The following PID1 variants were observed in gnomAD, a reference collection of about 807,000 sequenced individuals.
PID1 encodes PTB-containing, cubilin and LRP1-interacting protein.
A neutral mutation model predicts 19.1 loss-of-function variants in PID1; 10 were observed. The observed-to-expected ratio is 0.52, with a 90% CI of 0.32 to 0.89. PID1 has a LOEUF of 0.89. PID1 is among the 40% of genes least tolerant of loss of function. PID1 has a pLI of 0.03. For synonymous variants in PID1, 130 were observed against 116.0 expected (o/e 1.12, Z -0.78); for missense variants, 248 against 285.3 (o/e 0.87, Z 0.94).
chr2:229,130,419 C>T (rs771322651), intron 2 of PID1, among the ~76,000 whole-genome samples: 20 of 152,116 alleles, frequency 1.3e-4, no homozygotes, highest in Non-Finnish European at 2.1e-4. Context: ...TCTGAGTTTA[C>T]TTTTTTAAAG....
intron 1 of PID1, among the ~76,000 whole-genome samples, chr2:229,198,253 T>C (rs1009678709): frequency 1.3e-5 from 2 of 152,112 alleles, no homozygotes; most frequent in African/African-American, 4.8e-5. Context: ...TTGGAATTTA[T>C]GTATGTAACA....
At chr2:229,171,108 C>T (rs1049862525) in intron 1 of PID1, among the ~76,000 whole-genome samples, 2 of 152,166 alleles carry the variant, frequency 1.3e-5, no homozygotes, top group Admixed American at 6.5e-5. Flanking sequence ...CCCCGCTCAT[C>T]GGAACATAGC....
chr2:229,222,791 G>T (rs1334224947), intron 1 of PID1, among the ~76,000 whole-genome samples: 1 of 151,876 alleles, frequency 6.6e-6, no homozygotes, highest in African/African-American at 2.4e-5. Flanking sequence ...CATCAGCTCT[G>T]CTGGGTCCGG....
At chr2:229,168,765 G>A (rs1690653095) in intron 1 of PID1, among the ~76,000 whole-genome samples, 2 of 151,858 alleles carry the variant, frequency 1.3e-5, no homozygotes, top group South Asian at 2.1e-4. Context: ...GTTGAATGCC[G>A]AGCATCATGT....
intron 2 of PID1, among the ~76,000 whole-genome samples, chr2:229,107,627 G>A (rs755881651): frequency 3.3e-5 from 5 of 152,046 alleles, no homozygotes; most frequent in Non-Finnish European, 5.9e-5. Flanking sequence ...AACAATATGA[G>A]TTTTACTTGG....
At chr2:229,208,844 T>C (rs139885828) in intron 1 of PID1, among the ~76,000 whole-genome samples, 338 of 152,264 alleles carry the variant, frequency 2.2e-3, no homozygotes, top group African/African-American at 7.8e-3. Flanking sequence ...GTATTATCAG[T>C]GCTCTGGTTT....
At chr2:229,230,984 A>G (rs1043408024) in intron 1 of PID1, among the ~76,000 whole-genome samples, 9 of 152,160 alleles carry the variant, frequency 5.9e-5, no homozygotes, top group Admixed American at 4.6e-4. Flanking sequence ...ACAATTACAG[A>G]AATCAGTCAA....
At position 229,122,354 on chromosome 2, in the gene PID1, C is replaced by A. The variant is rs1695540977; in HGVS notation, c.177+33464G>T. On this transcript the variant is annotated intron_variant, in intron 2 of 2. Coordinates refer to ENST00000392055, the MANE Select transcript of PID1 (RefSeq NM_001100818.2). The stretch of plus-strand genomic sequence containing the variant: ...CCTTAGCAGGCATATCCCCGTGGGG[C>A]TCTGGTAGGGAAAAGTCCAGGGGCA... 2.0e-5 allele frequency among the ~76,000 whole-genome samples: 3 copies of A among 152,172 alleles called. No homozygotes were observed. In the South Asian group the frequency reaches 6.2e-4, roughly 32 times the overall value.
At chr2:229,140,742 T>C (rs1340054115) in intron 2 of PID1, among the ~76,000 whole-genome samples, 1 of 152,162 alleles carries the variant, frequency 6.6e-6, no homozygotes, top group Non-Finnish European at 1.5e-5. Flanking sequence ...TTATTCCTAA[T>C]GTAGCTCATG....
chr2:229,110,405 T>G (rs1314988779), intron 2 of PID1, among the ~76,000 whole-genome samples: 2 of 152,112 alleles, frequency 1.3e-5, no homozygotes, highest in Non-Finnish European at 2.9e-5. Context: ...AGTGTCTGTA[T>G]CTGAGGGGAG....
At chr2:229,140,437 C>T (rs555065775) in intron 2 of PID1, among the ~76,000 whole-genome samples, 1 of 152,110 alleles carries the variant, frequency 6.6e-6, no homozygotes, top group Non-Finnish European at 1.5e-5. Flanking sequence ...TAATAAAATC[C>T]TGCTGACATT....
intron 1 of PID1, among the ~76,000 whole-genome samples, chr2:229,232,431 CAAAAAAAAAAA>C (rs386392861): frequency 4.6e-4 from 19 of 41,352 alleles, no homozygotes; most frequent in African/African-American, 9.1e-4. Context: ...GACTCCATCT[CAAAAAAAAAAA>C]AAAAAAAAAA....
intron 1 of PID1, among the ~76,000 whole-genome samples, chr2:229,158,757 C>T (rs1690432698): frequency 6.6e-6 from 1 of 152,182 alleles, no homozygotes. Flanking sequence ...ACCTTCGCCT[C>T]AGTAAAAACT....
intron 1 of PID1, chr2:229,262,647 T>C (rs1351873252): frequency 1.3e-6 from 2 of 1,547,968 alleles, no homozygotes; most frequent in Non-Finnish European, 1.7e-6. Flanking sequence ...AACCATAAAC[T>C]GGGTAGCTTA....
intron 2 of PID1, among the ~76,000 whole-genome samples, chr2:229,154,740 T>C (rs1690330218): frequency 1.3e-5 from 2 of 152,220 alleles, no homozygotes; most frequent in South Asian, 4.1e-4. Context: ...GGAGTATATC[T>C]ACAAAGCTAT....
chr2:229,103,608 C>T (rs1275944218), intron 2 of PID1, among the ~76,000 whole-genome samples: 5 of 134,250 alleles, frequency 3.7e-5, no homozygotes, highest in Admixed American at 8.2e-5. Context: ...GACAGAGTCT[C>T]GCTCTGTCAC....
chr2:229,251,043 C>A (rs1395378708), intron 1 of PID1, among the ~76,000 whole-genome samples: 1 of 152,136 alleles, frequency 6.6e-6, no homozygotes, highest in Admixed American at 6.5e-5. Context: ...TGCACTTTTA[C>A]CCTACAGTAA....
chr2:229,198,360 C>T (rs1281713819), intron 1 of PID1, among the ~76,000 whole-genome samples: 1 of 152,006 alleles, frequency 6.6e-6, no homozygotes, highest in Non-Finnish European at 1.5e-5. Flanking sequence ...ATTTCAAGGT[C>T]TCTGGTACAG....
Position 229,258,250 on chromosome 2 carries a change from G to A in PID1, c.30+12764C>T, listed in dbSNP as rs563583244. The stretch of plus-strand genomic sequence containing the variant: ...AATGAGGAAGAATCAACAAGGCAAC[G>A]TGAACTTTCCACCCTTTGGTCTGGA... On this transcript the variant is annotated intron_variant, in intron 1 of 2. Coordinates refer to ENST00000392055, the MANE Select transcript of PID1 (RefSeq NM_001100818.2). Among the ~76,000 whole-genome samples the A allele has an allele frequency of 5.3e-5, 8 of 152,282 alleles. No individual in the cohort carries two copies. In the South Asian group the frequency reaches 8.3e-4, roughly 16 times the overall value.
Sources: allele counts gnomAD v4.1 joint callset (sites outside exome capture counted in the v4.1 genomes callset), GRCh38; gene constraint gnomAD v4.1.1; transcripts MANE v1.5; gene names NCBI Gene and HGNC (gene_info 2026-07-23, HGNC 2026-07-21).